Variants in CCSER1 observed in about 807,000 individuals in gnomAD.
CCSER1 encodes serine-rich coiled-coil domain-containing protein 1.
In CCSER1, 41 loss-of-function variants were observed where a neutral mutation model predicts 82.0. The observed-to-expected ratio is 0.50, with a 90% CI of 0.39 to 0.65. CCSER1 has a LOEUF of 0.65. CCSER1 is among the 30% of genes least tolerant of loss of function. CCSER1 has a pLI of 0.00. For synonymous variants in CCSER1, 414 were observed against 383.9 expected (o/e 1.08, Z -0.92); for missense variants, 1,119 against 1,064.2 (o/e 1.05, Z -0.72).
intron 10 of CCSER1, among the ~76,000 whole-genome samples, chr4:91,569,053 T>G (rs535423513): frequency 1.3e-5 from 2 of 152,324 alleles, no homozygotes; most frequent in African/African-American, 4.8e-5. Flanking sequence ...CAAGGCTTTA[T>G]GTAGGGCCTT....
chr4:90,780,468 A>T lies in CCSER1; in HGVS notation c.2011-35294A>T, dbSNP rs780553508. 10 of 1,612,542 alleles carry T rather than the reference A, an allele frequency of 6.2e-6. No homozygotes were observed. In the South Asian group the frequency reaches 1.1e-4, roughly 18 times the overall value. ...CCACATACCCTAGGGAATTCTGAAA[A>T]CCTGACTAACATCAATTGAAGATTG... On this transcript the variant is annotated intron_variant, in intron 7 of 10. Coordinates refer to ENST00000509176, the MANE Select transcript of CCSER1 (RefSeq NM_001145065.2).
intron 10 of CCSER1, among the ~76,000 whole-genome samples, chr4:91,285,277 T>C (rs1743198591): frequency 1.3e-5 from 2 of 151,424 alleles, no homozygotes; most frequent in Non-Finnish European, 3.0e-5. Flanking sequence ...GATGTGTCTC[T>C]TTTTAAAGAA....
intron 1 of CCSER1, among the ~76,000 whole-genome samples, chr4:90,278,485 A>G (rs1728273229): frequency 1.3e-5 from 2 of 152,168 alleles, no homozygotes; most frequent in Non-Finnish European, 2.9e-5. Context: ...ACCATGGAAT[A>G]CTATGCAGCC....
At chr4:91,566,202 G>T (rs950531229) in intron 10 of CCSER1, among the ~76,000 whole-genome samples, 2 of 151,966 alleles carry the variant, frequency 1.3e-5, no homozygotes, top group Non-Finnish European at 2.9e-5. Context: ...TTATTGATTT[G>T]CATATATTGA....
At chr4:90,570,473 A>G (rs1779971641) in intron 5 of CCSER1, among the ~76,000 whole-genome samples, 1 of 151,946 alleles carries the variant, frequency 6.6e-6, no homozygotes, top group African/African-American at 2.4e-5. Flanking sequence ...CCACTGCATC[A>G]CCAGACCACC....
chr4:90,482,365 A>C lies in CCSER1; in HGVS notation c.1724+14011A>C, dbSNP rs535428450. On this transcript the variant is annotated intron_variant, in intron 5 of 10. Transcript: ENST00000509176. ...TTTTTGAAGGGCTTTTTGTGTCTCT[A>C]TTTCCTTCAGTTCTGCTCTGATCTT... 8.6e-5 allele frequency among the ~76,000 whole-genome samples: 13 copies of C among 151,916 alleles called. No homozygotes were observed. In the East Asian group the frequency reaches 2.5e-3, roughly 29 times the overall value.
At chr4:90,804,786 A>G (rs890226503) in intron 7 of CCSER1, among the ~76,000 whole-genome samples, 1 of 152,200 alleles carries the variant, frequency 6.6e-6, no homozygotes, top group East Asian at 1.9e-4. Context: ...TGAACCTGGG[A>G]CAAACTACCC....
chr4:90,596,801 A>G (rs550806344), intron 5 of CCSER1, among the ~76,000 whole-genome samples: 4 of 152,096 alleles, frequency 2.6e-5, no homozygotes, highest in African/African-American at 9.6e-5. Context: ...TTCTTTCCAA[A>G]GGAAATAACA....
At chr4:90,234,176 A>G (rs367582373) in intron 1 of CCSER1, among the ~76,000 whole-genome samples, 9 of 151,194 alleles carry the variant, frequency 6.0e-5, no homozygotes, top group South Asian at 4.2e-4. Flanking sequence ...TTTAACATTT[A>G]TCTGGGTGGG....
intron 10 of CCSER1, among the ~76,000 whole-genome samples, chr4:91,597,825 CACAA>C (rs556400273): frequency 6.6e-6 from 1 of 152,062 alleles, no homozygotes; most frequent in Non-Finnish European, 1.5e-5. Flanking sequence ...TGTTTTTCTA[CACAA>C]ACATAGTGCT....
At chr4:90,424,211 G>A (rs183414699) in intron 4 of CCSER1, among the ~76,000 whole-genome samples, 524 of 151,844 alleles carry the variant, frequency 3.5e-3, no homozygotes, top group Admixed American at 9.3e-3. Flanking sequence ...TACATAAAAT[G>A]TGCGTCTTGC....
chr4:91,417,008 GA>G (rs1198351522), intron 10 of CCSER1, among the ~76,000 whole-genome samples: 3 of 151,686 alleles, frequency 2.0e-5, no homozygotes, highest in Admixed American at 6.6e-5. Flanking sequence ...AAATTTACAA[GA>G]AAAAAACTGA....
intron 10 of CCSER1, among the ~76,000 whole-genome samples, chr4:91,227,247 T>G (rs1344359800): frequency 6.6e-6 from 1 of 151,324 alleles, no homozygotes; most frequent in African/African-American, 2.4e-5. Flanking sequence ...CATAAAGGAG[T>G]TGAAAAATAG....
intron 10 of CCSER1, among the ~76,000 whole-genome samples, chr4:91,390,811 G>C (rs1355483541): frequency 4.0e-5 from 6 of 151,874 alleles, no homozygotes; most frequent in Non-Finnish European, 5.9e-5. Context: ...AGTTTTGGCG[G>C]ATTATGTTCT....
intron 1 of CCSER1, among the ~76,000 whole-genome samples, chr4:90,298,471 G>A (rs1463017772): frequency 2.0e-5 from 3 of 151,108 alleles, no homozygotes; most frequent in Admixed American, 2.0e-4. Context: ...TTTTTTGAAG[G>A]GTTTTTTGTG....
chr4:90,981,570 G>A (rs2150422164), intron 9 of CCSER1, among the ~76,000 whole-genome samples: 1 of 151,970 alleles, frequency 6.6e-6, no homozygotes, highest in East Asian at 2.0e-4. Flanking sequence ...GAAAGGATCT[G>A]TTTGATTTAC....
At chr4:91,003,249 TG>T (rs1738202278) in intron 9 of CCSER1, among the ~76,000 whole-genome samples, 1 of 152,048 alleles carries the variant, frequency 6.6e-6, no homozygotes, top group African/African-American at 2.4e-5. Context: ...TGTAGTAGTA[TG>T]GGGAGGAAGA....
intron 1 of CCSER1, among the ~76,000 whole-genome samples, chr4:90,271,846 ATATATATATATATATATTTTTTT>A (rs1244514100): frequency 8.0e-5 from 2 of 24,854 alleles, no homozygotes; most frequent in South Asian, 2.1e-3. Flanking sequence ...ATATATATAT[ATATATATATATATATATTTTTTT>A]TTTTTTTTTT....
intron 6 of CCSER1, among the ~76,000 whole-genome samples, chr4:90,648,924 G>C (rs1256959050): frequency 6.6e-6 from 1 of 152,196 alleles, no homozygotes; most frequent in Non-Finnish European, 1.5e-5. Context: ...AGACAACCAA[G>C]AGAGTAACAC....
Sources: allele counts gnomAD v4.1 joint callset (sites outside exome capture counted in the v4.1 genomes callset), GRCh38; gene constraint gnomAD v4.1.1; transcripts MANE v1.5; gene names NCBI Gene and HGNC (gene_info 2026-07-23, HGNC 2026-07-21).